Variants in ATP11A observed in about 807,000 individuals in gnomAD.
ATP11A encodes the protein phospholipid-transporting ATPase IH.
Under a neutral mutation model 154.4 loss-of-function variants are expected in ATP11A, and 81 were observed. The observed-to-expected ratio is 0.52, with a 90% CI of 0.44 to 0.63. ATP11A has a LOEUF of 0.63. Ranked by LOEUF, ATP11A falls within the 30% of genes least tolerant of loss-of-function variation. The pLI, the probability that ATP11A is intolerant of heterozygous loss-of-function variation, is 0.00. For synonymous variants in ATP11A, 623 were observed against 585.9 expected, an observed-to-expected ratio of 1.06 and a Z score of -0.91; for missense variants, 1,316 against 1,474.3, an observed-to-expected ratio of 0.89 and a Z score of 1.76.
chr13:112,693,677 C>T (rs564802095), intron 1 of ATP11A, among the ~76,000 whole-genome samples: 126 of 152,184 alleles, frequency 8.3e-4, no homozygotes, highest in Admixed American at 1.5e-3. Flanking sequence ...CTAGGCCAGG[C>T]GCGGTGGCTC....
intron 2 of ATP11A, among the ~76,000 whole-genome samples, chr13:112,793,225 CAG>C (rs1290085979): frequency 6.6e-6 from 1 of 152,090 alleles, no homozygotes; most frequent in African/African-American, 2.4e-5. Context: ...ATTTTTGAGA[CAG>C]AGTCTCTCTC....
chr13:112,808,564 G>A (rs576086519), intron 4 of ATP11A, among the ~76,000 whole-genome samples: 1 of 151,206 alleles, frequency 6.6e-6, no homozygotes. Context: ...TTCCCAAATG[G>A]CCTCCCCACA....
intron 25 of ATP11A, among the ~76,000 whole-genome samples, chr13:112,869,875 T>C (rs1377851130): frequency 6.6e-6 from 1 of 152,254 alleles, no homozygotes; most frequent in Non-Finnish European, 1.5e-5. Context: ...ACGGCACTTT[T>C]TGGTGAGTGT....
chr13:112,773,594 G>A (rs2077276792), intron 1 of ATP11A, among the ~76,000 whole-genome samples: 1 of 152,246 alleles, frequency 6.6e-6, no homozygotes. Context: ...CCCTGTGGCG[G>A]ATGGGGGTCC....
rs1179031122 is a variant in ATP11A, at chr13:112,883,528, G to C, written c.*1662G>C. 1 of 249,324 alleles carries C rather than the reference G, an allele frequency of 4.0e-6. No homozygotes were observed. Among genetic ancestry groups the C allele is most frequent in the Non-Finnish European group, 7.6e-6 (1 of 131,862 alleles). The allele number at this position is 249,324 out of a possible 1,614,324, so 15.4% of individuals were successfully genotyped here. On this transcript the variant is annotated 3_prime_UTR_variant, in exon 30 of 30. Coordinates refer to ENST00000375645, the MANE Select transcript of ATP11A (RefSeq NM_015205.3). ...GACAGTAGGTATTTTTGGAAGCTCA[G>C]ATTTCACCATTTGATTGTATAATCT...
rs144564946 is a variant in ATP11A at position 112,822,286 on chromosome 13, G to A, written c.726-1059G>A. 2.0e-4 allele frequency among the ~76,000 whole-genome samples: 30 copies of A among 152,266 alleles called. No individual in the cohort carries two copies. In the East Asian group the frequency reaches 3.9e-3, roughly 20 times the overall value. On this transcript the variant is annotated intron_variant, in intron 8 of 29. Transcript: ENST00000375645. ...GAAGAGATTATTTTTCCATCAGCAG[G>A]GAACCCTGTTATATCAAGAATATAA...
chr13:112,784,910 C>T (rs2077585463), intron 1 of ATP11A, among the ~76,000 whole-genome samples: 1 of 152,210 alleles, frequency 6.6e-6, no homozygotes, highest in African/African-American at 2.4e-5. Context: ...GGAGCGCAGA[C>T]CCTCCTGGTG....
chr13:112,707,372 A>G (rs1315634548), intron 1 of ATP11A, among the ~76,000 whole-genome samples: 1 of 150,682 alleles, frequency 6.6e-6, no homozygotes, highest in Non-Finnish European at 1.5e-5. Context: ...CTAAGATCAC[A>G]CCATTGCACT....
Position 112,879,623 on chromosome 13 carries a change from C to T in ATP11A, c.*9+1320C>T, listed in dbSNP as rs185987154. On this transcript the variant is annotated intron_variant, in intron 29 of 29. Transcript: ENST00000375645. Reference sequence around the variant, plus strand: ...GAGTTTCTCCTGCCCCCTGCGAGGCCTTGGGCCCCGGCATGACCCCCACAG... The same window carrying T: ...GAGTTTCTCCTGCCCCCTGCGAGGCTTTGGGCCCCGGCATGACCCCCACAG... 2.8e-3 allele frequency among the ~76,000 whole-genome samples: 419 copies of T among 152,348 alleles called. 2 individuals are homozygous for T. Among genetic ancestry groups the T allele is most frequent in the Admixed American group, 5.4e-3 (82 of 15,306 alleles).
At chr13:112,691,493 TGTG>T (rs1400731984) in intron 1 of ATP11A, among the ~76,000 whole-genome samples, 2 of 141,506 alleles carry the variant, frequency 1.4e-5, no homozygotes, top group African/African-American at 5.4e-5. Flanking sequence ...GGTGTGTGTG[TGTG>T]TGTGTGTGTG....
chr13:112,814,768 C>T (rs2078596031), intron 5 of ATP11A, among the ~76,000 whole-genome samples: 1 of 152,228 alleles, frequency 6.6e-6, no homozygotes, highest in East Asian at 1.9e-4. Context: ...TCTCAGAAGG[C>T]TGGACATTGG....
At position 112,870,831 on chromosome 13, in the gene ATP11A, G is replaced by T. The variant is rs186677407; in HGVS notation, c.2992-904G>T. Among the ~76,000 whole-genome samples, 220 of 151,810 alleles carry T rather than the reference G, an allele frequency of 1.4e-3. 1 individual carries two copies. The highest frequency in any genetic ancestry group is 5.1e-3 in the African/African-American group (212 of 41,550). On this transcript the variant is annotated intron_variant, in intron 25 of 29. Coordinates refer to ENST00000375645, the MANE Select transcript of ATP11A (RefSeq NM_015205.3). ...CCAGTCGGGGGTTTTCCCCAAGGCGGGGGGTGGTCTGGGCAGCAGCCCTTT... is the reference window on the plus strand; with the variant it reads ...CCAGTCGGGGGTTTTCCCCAAGGCGTGGGGTGGTCTGGGCAGCAGCCCTTT...
intron 2 of ATP11A, among the ~76,000 whole-genome samples, chr13:112,800,379 A>G (rs2078102055): frequency 6.6e-6 from 1 of 152,236 alleles, no homozygotes; most frequent in African/African-American, 2.4e-5. Flanking sequence ...CCCTACACCC[A>G]TAAACTTGGT....
intron 1 of ATP11A, among the ~76,000 whole-genome samples, chr13:112,763,028 A>G (rs2076997711): frequency 1.3e-5 from 2 of 152,262 alleles, no homozygotes; most frequent in Admixed American, 6.5e-5. Context: ...TGACAGACGC[A>G]GAAAAGCGCA....
At chr13:112,871,607 C>T in intron 25 of ATP11A, 128 bp from the exon 26 acceptor site, 2 of 849,720 alleles carry the variant, frequency 2.4e-6, no homozygotes, top group Non-Finnish European at 3.9e-6. Flanking sequence ...AAATATAGTG[C>T]TTATATCTTT....
chr13:112,810,464 G>A (rs1485919842), intron 4 of ATP11A, among the ~76,000 whole-genome samples, 155 bp from the exon 5 acceptor site: 1 of 152,230 alleles, frequency 6.6e-6, no homozygotes, highest in East Asian at 1.9e-4. Flanking sequence ...GTCAAGGATA[G>A]TGTGTGTAGT....
chr13:112,813,419 T>G (rs919576994), intron 5 of ATP11A, among the ~76,000 whole-genome samples: 1 of 152,174 alleles, frequency 6.6e-6, no homozygotes, highest in Non-Finnish European at 1.5e-5. Flanking sequence ...TCCCTCGGGA[T>G]TCACGAAGTC....
At chr13:112,881,388 G>T (rs2080879871) in intron 29 of ATP11A, 2 of 1,041,176 alleles carry the variant, frequency 1.9e-6, no homozygotes, top group Admixed American at 1.0e-4. Flanking sequence ...CTGTGGGGTG[G>T]GGCCTGCCTT....
chr13:112,722,725 A>G (rs1411467492), intron 1 of ATP11A, among the ~76,000 whole-genome samples: 1 of 152,194 alleles, frequency 6.6e-6, no homozygotes, highest in Non-Finnish European at 1.5e-5. Context: ...TTATTCTGAG[A>G]CAATATGAGT....
Sources: gnomAD v4.1 joint callset for allele counts (sites outside exome capture counted in the v4.1 genomes callset) on GRCh38, gnomAD v4.1.1 for gene constraint, MANE v1.5 for transcripts, NCBI Gene and HGNC (gene_info 2026-07-23, HGNC 2026-07-21) for gene names.